Variants in GABRG3 observed in about 807,000 individuals in gnomAD.
GABRG3 encodes gamma-aminobutyric acid type A receptor subunit gamma3, also known as gamma-aminobutyric acid receptor subunit gamma-3.
Under a neutral mutation model 48.8 loss-of-function variants are expected in GABRG3, and 25 were observed. The ratio of observed to expected loss-of-function variants is 0.51; its 90% CI spans 0.37 to 0.72. The LOEUF (loss-of-function observed/expected upper bound fraction) is 0.72. Among genes scored for constraint, GABRG3 ranks in the 30% least tolerant of loss-of-function variants. The probability of loss-of-function intolerance (pLI) is 0.00; values close to 1 mark genes in which losing one functional copy is unlikely to be tolerated. For synonymous variants in GABRG3, 227 were observed against 217.6 expected (o/e 1.04, Z -0.38); for missense variants, 394 against 577.9 (o/e 0.68, Z 3.26).
chr15:27,085,822 G>T (rs907825160), intron 3 of GABRG3, among the ~76,000 whole-genome samples: 12 of 152,030 alleles, frequency 7.9e-5, no homozygotes, highest in Non-Finnish European at 1.2e-4. Flanking sequence ...TTTCTCCCTA[G>T]CATATTATTT....
intron 5 of GABRG3, among the ~76,000 whole-genome samples, chr15:27,378,693 C>T: frequency 6.6e-6 from 1 of 152,098 alleles, no homozygotes; most frequent in Non-Finnish European, 1.5e-5. Flanking sequence ...TTATTTAAAT[C>T]ATGATACATA....
chr15:26,971,624 G>C lies in GABRG3; in HGVS notation c.53+36G>C, dbSNP rs1447016021. 9 of 1,517,782 alleles carry C rather than the reference G, an allele frequency of 5.9e-6. No individual in the cohort carries two copies. The Admixed American group carries it at 1.9e-4, about 31-fold the overall frequency. 94.0% of individuals were successfully genotyped at this position (1,517,782 alleles called of 1,614,324 possible). ...CGGGGGCCGCATCCCCGGAGGCCCC[G>C]AGCTGGGCGACAGGGCGGCGGGGGG... On this transcript the variant is annotated intron_variant, in intron 1 of 9. Coordinates refer to ENST00000615808, the MANE Select transcript of GABRG3 (RefSeq NM_033223.5).
chr15:27,035,302 G>C (rs1259094737), intron 3 of GABRG3, among the ~76,000 whole-genome samples: 2 of 152,180 alleles, frequency 1.3e-5, no homozygotes, highest in African/African-American at 4.8e-5. Flanking sequence ...TCTATTGTAG[G>C]AATGAATGGT....
chr15:27,485,202 C>A (rs1227633531), intron 6 of GABRG3, among the ~76,000 whole-genome samples: 1 of 152,100 alleles, frequency 6.6e-6, no homozygotes, highest in East Asian at 1.9e-4. Context: ...ATCCACCTTA[C>A]GAGTCTGGCA....
rs147910508 is a variant in GABRG3 at position 26,991,423 on chromosome 15, C to A, written c.202+14273C>A. Among the ~76,000 whole-genome samples, 780 of 152,026 alleles carry A rather than the reference C, an allele frequency of 5.1e-3. 10 individuals are homozygous for A. The highest frequency in any genetic ancestry group is 0.018 in the African/African-American group (738 of 41,482). ...TTTGGGTCTTCTGTGATTCCATATA[C>A]ATTTTAGGATAGTTTTTTAAAATTT... On this transcript the variant is annotated intron_variant, in intron 2 of 9. Coordinates refer to ENST00000615808, the MANE Select transcript of GABRG3 (RefSeq NM_033223.5).
At chr15:27,016,999 A>G (rs865915269) in intron 2 of GABRG3, among the ~76,000 whole-genome samples, 1 of 152,076 alleles carries the variant, frequency 6.6e-6, no homozygotes, top group Non-Finnish European at 1.5e-5. Flanking sequence ...ATTTTTAAAA[A>G]TTTCATTAGT....
chr15:27,079,108 C>T (rs1050402386), intron 3 of GABRG3, among the ~76,000 whole-genome samples: 1 of 152,080 alleles, frequency 6.6e-6, no homozygotes, highest in Non-Finnish European at 1.5e-5. Flanking sequence ...CCAGACCCTG[C>T]AGAGAGAGCA....
chr15:27,189,300 T>C (rs1284220191), intron 3 of GABRG3, among the ~76,000 whole-genome samples: 1 of 151,178 alleles, frequency 6.6e-6, no homozygotes, highest in African/African-American at 2.4e-5. Context: ...TGGCATTGAA[T>C]CTATAAATTA....
At chr15:27,435,537 G>C (rs1888584793) in intron 5 of GABRG3, among the ~76,000 whole-genome samples, 1 of 152,150 alleles carries the variant, frequency 6.6e-6, no homozygotes, top group Admixed American at 6.5e-5. Flanking sequence ...GATTATTGCT[G>C]TTTTTAAATT....
chr15:27,485,435 A>G (rs1425732492), intron 6 of GABRG3, among the ~76,000 whole-genome samples: 1 of 152,158 alleles, frequency 6.6e-6, no homozygotes, highest in Non-Finnish European at 1.5e-5. Flanking sequence ...AAGATAAGGA[A>G]AGAGCATCAC....
At chr15:26,999,965 G>A (rs1895412759) in intron 2 of GABRG3, among the ~76,000 whole-genome samples, 1 of 151,910 alleles carries the variant, frequency 6.6e-6, no homozygotes, top group African/African-American at 2.4e-5. Context: ...TTTAGGTCTT[G>A]TTTATATCTT....
chr15:27,415,604 A>G (rs1479905692), intron 5 of GABRG3, among the ~76,000 whole-genome samples: 1 of 152,112 alleles, frequency 6.6e-6, no homozygotes, highest in Non-Finnish European at 1.5e-5. Context: ...AATGCCCACT[A>G]AACAACTTGT....
chr15:27,001,888 G>GTTTTTTGTTTTT (rs1555397294), intron 2 of GABRG3, among the ~76,000 whole-genome samples: 3 of 121,230 alleles, frequency 2.5e-5, no homozygotes, highest in Non-Finnish European at 5.1e-5. Flanking sequence ...CCATAACTCA[G>GTTTTTTGTTTTT]TTTTTTTTTT....
chr15:27,187,614 C>T (rs1177948297), intron 3 of GABRG3, among the ~76,000 whole-genome samples: 1 of 152,016 alleles, frequency 6.6e-6, no homozygotes, highest in Non-Finnish European at 1.5e-5. Context: ...CCTTGTAGAG[C>T]TCTATTACTT....
chr15:27,390,249 A>G (rs377577812), intron 5 of GABRG3, among the ~76,000 whole-genome samples: 1 of 152,234 alleles, frequency 6.6e-6, no homozygotes, highest in African/African-American at 2.4e-5. Flanking sequence ...ACAAACCACT[A>G]TTATTTACTG....
intron 5 of GABRG3, among the ~76,000 whole-genome samples, chr15:27,434,200 T>G (rs1474205992): frequency 6.6e-6 from 1 of 152,236 alleles, no homozygotes; most frequent in Non-Finnish European, 1.5e-5. Context: ...ATGCACAGCA[T>G]ATTGATGCAG....
intron 2 of GABRG3, among the ~76,000 whole-genome samples, chr15:27,015,665 G>A (rs1895765882): frequency 6.6e-6 from 1 of 151,922 alleles, no homozygotes; most frequent in South Asian, 2.1e-4. Context: ...GGGATTACAG[G>A]TGTGAGCCAC....
chr15:27,411,349 C>T (rs930371691), intron 5 of GABRG3, among the ~76,000 whole-genome samples: 15 of 152,074 alleles, frequency 9.9e-5, no homozygotes, highest in African/African-American at 3.6e-4. Context: ...CCCATTCTGC[C>T]CCCGCTACTT....
chr15:27,367,292 A>C (rs1895240096), intron 5 of GABRG3, among the ~76,000 whole-genome samples: 1 of 152,188 alleles, frequency 6.6e-6, no homozygotes, highest in Non-Finnish European at 1.5e-5. Flanking sequence ...GGAAGATCCC[A>C]GTCCTCCTCC....
Sources: gnomAD v4.1 joint callset for allele counts (sites outside exome capture counted in the v4.1 genomes callset) on GRCh38, gnomAD v4.1.1 for gene constraint, MANE v1.5 for transcripts, NCBI Gene and HGNC (gene_info 2026-07-23, HGNC 2026-07-21) for gene names.